CCDC122: variants seen among roughly 807,000 people sequenced by gnomAD.
CCDC122 encodes coiled-coil domain containing 122.
Under a neutral mutation model 37.0 loss-of-function variants are expected in CCDC122, and 38 were observed. The observed-to-expected ratio is 1.03, with a 90% CI of 0.79 to 1.35. The LOEUF is 1.35. Among genes scored for constraint, CCDC122 ranks in the 40% most tolerant of loss-of-function variants. The probability of loss-of-function intolerance (pLI) is 0.00; values close to 1 mark genes in which losing one functional copy is unlikely to be tolerated. For synonymous variants in CCDC122, 83 were observed against 95.6 expected (o/e 0.87, Z 0.77); for missense variants, 305 against 310.0 (o/e 0.98, Z 0.12).
In CCDC122 at chr13:43,837,429, C is replaced by T; in HGVS notation, c.673G>A (p.Val225Ile). The stretch of plus-strand genomic sequence containing the variant: ...ATTGCATCATACCTCTTATGTTGTA[C>T]CTATCAAAAGAAGAGCACACATCAA... ...THEKLRKEIE[V>I]QHKRYDAILK... is the part of the protein sequence containing the mutation. The change falls in exon 7 of 7, where the codon GTA becomes ATA. Residue 225 changes from valine to isoleucine, a missense_variant and splice_region_variant. Physicochemically the swap from Val to Ile is conservative, Grantham distance 29 (BLOSUM62 3). Transcript: ENST00000444614. 1 of 1,610,450 alleles carries T rather than the reference C, an allele frequency of 6.2e-7. No individual in the cohort carries two copies. Among genetic ancestry groups the T allele is most frequent in the African/African-American group, 1.3e-5 (1 of 74,764 alleles).
At chr13:43,875,808 G>A (rs1305271065) in intron 1 of CCDC122, among the ~76,000 whole-genome samples, 1 of 152,186 alleles carries the variant, frequency 6.6e-6, no homozygotes, top group Non-Finnish European at 1.5e-5. Flanking sequence ...CATGCTGAGA[G>A]CCTCTAATCA....
At chr13:43,823,591 A>G (rs1402985540), downstream of CCDC122, among the ~76,000 whole-genome samples, 2 of 152,242 alleles carry the variant, frequency 1.3e-5, no homozygotes, top group African/African-American at 4.8e-5. Flanking sequence ...TATGGCCCAC[A>G]GTGGCAAGGC....
chr13:43,879,272 C>T (rs1221796941), intron 1 of CCDC122: 2 of 153,024 alleles, frequency 1.3e-5, no homozygotes, highest in African/African-American at 4.8e-5. Context: ...TTCCCCGCCC[C>T]GTGCCCTCTG....
downstream of CCDC122, among the ~76,000 whole-genome samples, chr13:43,835,840 G>A (rs117266764): frequency 0.014 from 2,135 of 152,232 alleles, 14 homozygotes; most frequent in Middle Eastern, 0.024. Flanking sequence ...ATCTCCAGCC[G>A]AGTATAGTGT....
At chr13:43,864,369 C>G (rs1003289069) in intron 4 of CCDC122, among the ~76,000 whole-genome samples, 2 of 152,086 alleles carry the variant, frequency 1.3e-5, no homozygotes. Context: ...ATTCCTGAGT[C>G]TGGGTAATTT....
chr13:43,842,521 G>A (rs947882485), intron 6 of CCDC122, among the ~76,000 whole-genome samples: 7 of 150,474 alleles, frequency 4.7e-5, no homozygotes, highest in East Asian at 1.9e-4. Flanking sequence ...GATCCTTTGC[G>A]TTTTCACGTA....
At chr13:43,847,164 C>T (rs373207226) in intron 6 of CCDC122, among the ~76,000 whole-genome samples, 1 of 152,086 alleles carries the variant, frequency 6.6e-6, no homozygotes, top group Non-Finnish European at 1.5e-5. Context: ...TTACGTAGGC[C>T]AATTTGCACC....
chr13:43,824,558 G>A (rs1380227549), intron 3 of CCDC122, among the ~76,000 whole-genome samples: 1 of 152,152 alleles, frequency 6.6e-6, no homozygotes, highest in Non-Finnish European at 1.5e-5. Flanking sequence ...TGATAATTTG[G>A]CCTTAATTAA....
chr13:43,848,571 T>C (rs962161835), intron 6 of CCDC122: 1 of 155,834 alleles, frequency 6.4e-6, no homozygotes, highest in Non-Finnish European at 1.4e-5. Flanking sequence ...CTTTAGTTCC[T>C]TTCTTCCAAA....
rs1353739844 is a variant in CCDC122, at chr13:43,859,847, G to A, written c.380C>T (p.Ala127Val). Residue 127 changes from alanine to valine, a missense_variant, in exon 5 of 7, where the codon GCA (alanine) becomes GTA (valine). Physicochemically the swap from Ala to Val is moderately conservative, Grantham distance 64. Coordinates refer to ENST00000444614, the MANE Select transcript of CCDC122 (RefSeq NM_144974.5). Reference protein sequence around the residue: ...DFEEHMIKYNAYYAKIKAHKN... With the variant: ...DFEEHMIKYNVYYAKIKAHKN... The stretch of plus-strand genomic sequence containing the variant: ...ATGTGCTTTTATTTTTGCATAATAT[G>A]CATTATATTTTATCATGTGTTCCTC... 1.2e-6 allele frequency: 2 copies of A among 1,606,754 alleles called. No individual in the cohort carries two copies. Among genetic ancestry groups the A allele is most frequent in the South Asian group, 1.1e-5 (1 of 89,356 alleles).
intron 3 of CCDC122, among the ~76,000 whole-genome samples, chr13:43,830,375 T>C (rs991347107): frequency 1.3e-5 from 2 of 152,140 alleles, no homozygotes; most frequent in African/African-American, 4.8e-5. Context: ...GCGACTTAGT[T>C]TGGGATTCCC....
At chr13:43,866,160 T>C (rs540953875) in intron 4 of CCDC122, among the ~76,000 whole-genome samples, 13 of 152,336 alleles carry the variant, frequency 8.5e-5, no homozygotes, top group African/African-American at 3.1e-4. Context: ...TGACTTGCAA[T>C]TTTAAATTTA....
chr13:43,869,938 C>T (rs1954393887), intron 2 of CCDC122, among the ~76,000 whole-genome samples: 1 of 152,006 alleles, frequency 6.6e-6, no homozygotes, highest in African/African-American at 2.4e-5. Flanking sequence ...CTGGAGAGGG[C>T]AGGCCCTAAG....
Position 43,862,734 on chromosome 13 carries a change from T to C in CCDC122, c.157-2664A>G, listed in dbSNP as rs183446233. Among the ~76,000 whole-genome samples the C allele has an allele frequency of 3.3e-5, 5 of 152,278 alleles. No homozygotes were observed. In the East Asian group the frequency reaches 9.6e-4, roughly 29 times the overall value. On this transcript the variant is annotated intron_variant, in intron 4 of 6. Transcript: ENST00000444614. ...AACCAATGGTCAGGAAAGGGACATA[T>C]GCCCTGCTGGTTACATCAGGCTATC...
intron 1 of CCDC122, among the ~76,000 whole-genome samples, chr13:43,878,724 T>A (rs921914047): frequency 1.3e-5 from 2 of 152,190 alleles, no homozygotes; most frequent in African/African-American, 4.8e-5. Context: ...GGAGGACAGA[T>A]CAGGGATGCT....
At chr13:43,831,792 T>C (rs1202517511), downstream of CCDC122, among the ~76,000 whole-genome samples, 1 of 152,158 alleles carries the variant, frequency 6.6e-6, no homozygotes, top group African/African-American at 2.4e-5. Context: ...ATACATCATC[T>C]CATTAATTAA....
intron 2 of CCDC122, among the ~76,000 whole-genome samples, chr13:43,874,009 C>G (rs1012996556): frequency 6.6e-6 from 1 of 152,198 alleles, no homozygotes; most frequent in Non-Finnish European, 1.5e-5. Flanking sequence ...GTCAACATCA[C>G]AGCCAATCTT....
In CCDC122 at chr13:43,868,733, T is replaced by C. The variant is rs368020834; in HGVS notation, c.117A>G (p.Ser39=). Residue 39 remains serine, a synonymous_variant, in exon 4 of 7, where the codon TCA becomes TCG. Transcript: ENST00000444614. The part of the protein sequence containing the change: ...KVAKQQQSQA[S]EIEKNKKVLF... ...GAACCTTTTTGTTTTTTTCTATCTCTGATGCTTGTGATTGTTGTTGCTTTG... is the reference window on the plus strand; with the variant it reads ...GAACCTTTTTGTTTTTTTCTATCTCCGATGCTTGTGATTGTTGTTGCTTTG... 3.2e-6 allele frequency: 5 copies of C among 1,563,372 alleles called. No individual in the cohort carries two copies. In the African/African-American group the frequency reaches 5.5e-5, roughly 17 times the overall value.
At chr13:43,826,131 T>G (rs1275166449) in intron 3 of CCDC122, among the ~76,000 whole-genome samples, 1 of 152,190 alleles carries the variant, frequency 6.6e-6, no homozygotes, top group African/African-American at 2.4e-5. Context: ...GAATTTATAC[T>G]CTTGGAAATA....
Sources: gnomAD v4.1 joint callset for allele counts (sites outside exome capture counted in the v4.1 genomes callset) on GRCh38, gnomAD v4.1.1 for gene constraint, MANE v1.5 for transcripts, NCBI Gene and HGNC (gene_info 2026-07-23, HGNC 2026-07-21) for gene names.